Variants in CTNNA3 observed in about 807,000 individuals in gnomAD.
CTNNA3 encodes catenin alpha 3.
Under a neutral mutation model 95.7 loss-of-function variants are expected in CTNNA3, and 76 were observed. The observed-to-expected ratio is 0.79, with a 90% CI of 0.66 to 0.96. The LOEUF (loss-of-function observed/expected upper bound fraction) is 0.96. Ranked by LOEUF, CTNNA3 falls within the 40% of genes least tolerant of loss-of-function variation. CTNNA3 has a pLI of 0.00. For missense variants in CTNNA3, 1,191 were observed against 1,089.8 expected, an observed-to-expected ratio of 1.09 and a Z score of -1.31; for synonymous variants, 431 against 374.4, an observed-to-expected ratio of 1.15 and a Z score of -1.74.
At chr10:67,369,134 T>C (rs1843322345) in intron 5 of CTNNA3, among the ~76,000 whole-genome samples, 1 of 152,116 alleles carries the variant, frequency 6.6e-6, no homozygotes, top group African/African-American at 2.4e-5. Context: ...ATATTAAACC[T>C]CAATAAATCT....
intron 2 of CTNNA3, among the ~76,000 whole-genome samples, chr10:67,619,664 C>G (rs1413155722): frequency 6.6e-6 from 1 of 152,162 alleles, no homozygotes; most frequent in Non-Finnish European, 1.5e-5. Flanking sequence ...GAAGAAAGGT[C>G]TCAGAAACAG....
chr10:66,294,333 GAGA>G (rs2091740039), intron 12 of CTNNA3, among the ~76,000 whole-genome samples: 1 of 152,168 alleles, frequency 6.6e-6, no homozygotes, highest in Non-Finnish European at 1.5e-5. Context: ...TGGGTAGAGA[GAGA>G]AGAAGGAGGG....
intron 15 of CTNNA3, among the ~76,000 whole-genome samples, chr10:66,001,696 CAA>C (rs1308951183): frequency 6.6e-6 from 1 of 151,978 alleles, no homozygotes; most frequent in African/African-American, 2.4e-5. Context: ...TCTCCTTTTA[CAA>C]ATAATTATAT....
At chr10:66,167,791 T>C (rs72795355) in intron 13 of CTNNA3, among the ~76,000 whole-genome samples, 38,610 of 152,002 alleles carry the variant, frequency 0.25, 4,951 homozygotes, top group South Asian at 0.41. Flanking sequence ...GGGTACAAAC[T>C]TCCTAGACTG....
chr10:66,752,804 A>G (rs567435501), intron 9 of CTNNA3, among the ~76,000 whole-genome samples: 1 of 152,270 alleles, frequency 6.6e-6, no homozygotes, highest in Admixed American at 6.5e-5. Flanking sequence ...CTATATTCTC[A>G]GATGACATGA....
intron 17 of CTNNA3, among the ~76,000 whole-genome samples, chr10:65,948,522 A>T (rs1354362544): frequency 6.6e-6 from 1 of 151,510 alleles, no homozygotes; most frequent in Non-Finnish European, 1.5e-5. Flanking sequence ...AACTTAATGC[A>T]CTTATTCCCC....
chr10:67,741,355 AAAAAG>A lies in CTNNA3; in HGVS notation c.-2+22074_-2+22078del, dbSNP rs535131731. ...AAAAATAAAAAAAGAACAAAAAAAAAAAAAGAAAAGAAAAGAATTTTCAACCCAGA... is the reference window on the plus strand; with the variant it reads ...AAAAATAAAAAAAGAACAAAAAAAAAAAAAGAAAAGAATTTTCAACCCAGA... On this transcript the variant is annotated intron_variant, in intron 1 of 17. Coordinates refer to the CTNNA3 transcript ENST00000684154. Among the ~76,000 whole-genome samples the A allele has an allele frequency of 3.7e-3, 557 of 149,936 alleles. 9 individuals carry two copies. The highest frequency in any genetic ancestry group is 0.012 in the African/African-American group (488 of 41,212).
intron 7 of CTNNA3, among the ~76,000 whole-genome samples, chr10:66,994,063 T>C (rs543907846): frequency 6.6e-6 from 1 of 152,284 alleles, no homozygotes; most frequent in East Asian, 1.9e-4. Context: ...TAAATATTAA[T>C]CATGCCAGGT....
intron 9 of CTNNA3, among the ~76,000 whole-genome samples, chr10:66,760,025 G>C (rs964555736): frequency 6.6e-6 from 1 of 152,004 alleles, no homozygotes; most frequent in African/African-American, 2.4e-5. Flanking sequence ...TTGCTTTTCT[G>C]TTTCAAGTTC....
intron 10 of CTNNA3, among the ~76,000 whole-genome samples, chr10:66,554,988 T>A (rs1238592575): frequency 6.6e-6 from 1 of 152,132 alleles, no homozygotes; most frequent in Non-Finnish European, 1.5e-5. Flanking sequence ...AAATAACAAT[T>A]GTAGAAATAA....
At chr10:66,778,157 C>T (rs1023678474) in intron 7 of CTNNA3, among the ~76,000 whole-genome samples, 5 of 152,116 alleles carry the variant, frequency 3.3e-5, no homozygotes, top group African/African-American at 9.7e-5. Flanking sequence ...TCCCTTGATC[C>T]CCTATCCCCA....
chr10:66,037,788 C>T (rs1003845729), intron 15 of CTNNA3, among the ~76,000 whole-genome samples: 2 of 152,170 alleles, frequency 1.3e-5, no homozygotes, highest in Non-Finnish European at 2.9e-5. Flanking sequence ...CAACCTCTCC[C>T]GTGTTGTTAC....
intron 1 of CTNNA3, among the ~76,000 whole-genome samples, chr10:67,678,950 GA>G (rs1262404269): frequency 6.6e-6 from 1 of 152,134 alleles, no homozygotes; most frequent in African/African-American, 2.4e-5. Flanking sequence ...TCCTCCCCCA[GA>G]CAGATTTCAT....
At chr10:66,939,872 A>G (rs1847904173) in intron 7 of CTNNA3, among the ~76,000 whole-genome samples, 1 of 152,194 alleles carries the variant, frequency 6.6e-6, no homozygotes, top group Non-Finnish European at 1.5e-5. Context: ...TGTACTTGTA[A>G]CAATCTTCCA....
At chr10:66,230,337 G>C (rs1455551068) in intron 13 of CTNNA3, among the ~76,000 whole-genome samples, 1 of 151,864 alleles carries the variant, frequency 6.6e-6, no homozygotes, top group Non-Finnish European at 1.5e-5. Flanking sequence ...TTATGTAATA[G>C]TTTTAATAGG....
intron 5 of CTNNA3, among the ~76,000 whole-genome samples, chr10:67,283,123 T>C (rs909786297): frequency 6.6e-6 from 1 of 152,182 alleles, no homozygotes; most frequent in Non-Finnish European, 1.5e-5. Flanking sequence ...CACTCAGTTT[T>C]TTAACACTAG....
intron 7 of CTNNA3, among the ~76,000 whole-genome samples, chr10:66,876,652 T>A (rs1404299953): frequency 6.6e-6 from 1 of 151,956 alleles, no homozygotes. Context: ...AATTTTTTTT[T>A]AAATTAGAGA....
intron 7 of CTNNA3, chr10:67,097,646 C>T (rs2131933808): frequency 6.2e-7 from 1 of 1,612,580 alleles, no homozygotes; most frequent in Non-Finnish European, 8.5e-7. Context: ...CAATAAGTTA[C>T]TGTGGGGTGC....
At chr10:66,428,261 T>G (rs150078944) in intron 11 of CTNNA3, among the ~76,000 whole-genome samples, 40,267 of 151,964 alleles carry the variant, frequency 0.26, 5,496 homozygotes, top group South Asian at 0.39. Flanking sequence ...AGCAAGTCCT[T>G]AGTGACCTAC....
Sources: allele counts gnomAD v4.1 joint callset (sites outside exome capture counted in the v4.1 genomes callset), GRCh38; gene constraint gnomAD v4.1.1; transcripts MANE v1.5; gene names NCBI Gene and HGNC (gene_info 2026-07-23, HGNC 2026-07-21).